DYSF: variants seen among roughly 807,000 people sequenced by gnomAD.
DYSF encodes dystrophy-associated fer-1-like 1.
DYSF carries 212 observed loss-of-function variants against 274.9 expected under a neutral mutation model. The ratio of observed to expected loss-of-function variants is 0.77; its 90% confidence interval spans 0.69 to 0.86. The LOEUF (loss-of-function observed/expected upper bound fraction) is 0.86. Ranked by LOEUF, DYSF falls within the 40% of genes least tolerant of loss-of-function variation. The pLI is 0.00. For missense variants in DYSF, 2,666 were observed against 2,783.2 expected (o/e 0.96, Z 0.95); for synonymous variants, 1,091 against 1,078.7 (o/e 1.01, Z -0.22).
At chr2:71,616,295 TG>T (rs1014268986) in intron 40 of DYSF, among the ~76,000 whole-genome samples, 10 of 151,802 alleles carry the variant, frequency 6.6e-5, no homozygotes, top group East Asian at 1.9e-4. Flanking sequence ...AGGGTAAGGG[TG>T]GGGGGCCCTG....
intron 24 of DYSF, 68 bp from the exon 25 acceptor site, chr2:71,567,883 C>T: frequency 1.3e-6 from 2 of 1,595,766 alleles, no homozygotes; most frequent in Non-Finnish European, 1.7e-6. Context: ...CTCCTCCTCC[C>T]CAGCCTCTCA....
intron 29 of DYSF, among the ~76,000 whole-genome samples, chr2:71,571,813 C>T (rs1203943759): frequency 2.1e-5 from 3 of 141,602 alleles, no homozygotes; most frequent in African/African-American, 7.9e-5. Flanking sequence ...AGCTCACACC[C>T]AGCACACACA....
chr2:71,527,403 T>C (rs1364779781), intron 13 of DYSF, among the ~76,000 whole-genome samples: 1 of 152,212 alleles, frequency 6.6e-6, no homozygotes, highest in Non-Finnish European at 1.5e-5. Context: ...GATCAAATCC[T>C]GAAGAAAGCC....
At chr2:71,491,338 C>A (rs1226205118) in intron 3 of DYSF, among the ~76,000 whole-genome samples, 2 of 152,196 alleles carry the variant, frequency 1.3e-5, no homozygotes, top group African/African-American at 4.8e-5. Context: ...TTTCTCTCTG[C>A]TTCTCACCTG....
Position 71,552,991 on chromosome 2 carries a change from G to A in DYSF, c.1807-20G>A, listed in dbSNP as rs757616928. The A allele has an allele frequency of 1.2e-6, 2 of 1,613,862 alleles. No individual in the cohort carries two copies. Among genetic ancestry groups the A allele is most frequent in the Non-Finnish European group, 8.5e-7 (1 of 1,179,978 alleles). ...TTCTTTGCTCCTCCCGTGACCCTCTGGTCTACTCTCTGCTCTCAGAAGTAC... is the reference window on the plus strand; with the variant it reads ...TTCTTTGCTCCTCCCGTGACCCTCTAGTCTACTCTCTGCTCTCAGAAGTAC... On this transcript the variant is annotated intron_variant, in intron 19 of 55. Transcript: ENST00000410020.
chr2:71,560,720 G>A (rs2091687689), intron 22 of DYSF, among the ~76,000 whole-genome samples: 1 of 152,196 alleles, frequency 6.6e-6, no homozygotes, highest in Non-Finnish European at 1.5e-5. Context: ...TGCATAGCTC[G>A]GGGAAATTGG....
intron 17 of DYSF, among the ~76,000 whole-genome samples, chr2:71,545,377 T>C (rs2090382725): frequency 6.6e-6 from 1 of 152,202 alleles, no homozygotes; most frequent in Non-Finnish European, 1.5e-5. Flanking sequence ...TGTTGGAACT[T>C]TGGACTAGTC....
rs764936271 is a variant in DYSF at position 71,656,153 on chromosome 2, G to A, written c.4627-9G>A. 6.2e-7 allele frequency: 1 copy of A among 1,613,990 alleles called. No individual in the cohort carries two copies. The highest frequency in any genetic ancestry group is 8.5e-7 in the Non-Finnish European group (1 of 1,180,010). On this transcript the variant is annotated splice_polypyrimidine_tract_variant and intron_variant, in intron 42 of 55. Transcript: ENST00000410020. ...TCTTGTCCCCTCCTCTAATCCCCAT[G>A]TGTGGCAGGTCTATGACACACAGCT...
rs1558772805 is a variant in DYSF at position 71,665,379 on chromosome 2, C to T, written c.5317+75C>T. 12 of 1,594,386 alleles carry T rather than the reference C, an allele frequency of 7.5e-6. No homozygotes were observed. The East Asian group carries it at 2.2e-4, about 30-fold the overall frequency. ...CCCTCTCTCATCAGACCCTCTGCTACCATAAAAGACCCAAGCGGACATAAC... is the reference window on the plus strand; with the variant it reads ...CCCTCTCTCATCAGACCCTCTGCTATCATAAAAGACCCAAGCGGACATAAC... On this transcript the variant is annotated intron_variant, in intron 47 of 55. Transcript: ENST00000410020.
At chr2:71,546,519 C>A (rs1219489205) in intron 17 of DYSF, among the ~76,000 whole-genome samples, 1 of 152,206 alleles carries the variant, frequency 6.6e-6, no homozygotes, top group Non-Finnish European at 1.5e-5. Flanking sequence ...GTTCCTTGGA[C>A]CCTGTGCTCT....
intron 25 of DYSF, 32 bp downstream of exon 25, chr2:71,568,114 C>T: frequency 1.2e-6 from 2 of 1,614,226 alleles, no homozygotes; most frequent in South Asian, 1.1e-5. Flanking sequence ...CCTCTGCCTC[C>T]CACTACCTGG....
At chr2:71,534,873 C>G (rs1410900859) in intron 14 of DYSF, 148 bp from the exon 15 acceptor site, 4 of 762,006 alleles carry the variant, frequency 5.2e-6, no homozygotes, top group South Asian at 1.5e-5. Flanking sequence ...TATGAACCCC[C>G]TGCACTAGGC....
In DYSF at chr2:71,674,223, TGA is replaced by T. The variant is rs398123796; in HGVS notation, c.5815_5816del (p.Ser1939GlnfsTer14). On this transcript the variant is annotated frameshift_variant, in exon 52 of 56. Coordinates refer to ENST00000410020, the MANE Select transcript of DYSF (RefSeq NM_001130987.2). LOFTEE classifies it high-confidence loss of function. The stretch of plus-strand genomic sequence containing the variant: ...ATGCCTTCTGGAGGCTGGACAAGAC[TGA>T]GAGCAAAATCCCAGCACGAGTGGTG... ...KDAFWRLDKT[E>X]SKIPARVVFQ... The T allele has an allele frequency of 1.1e-4, 185 of 1,614,100 alleles. No individual in the cohort carries two copies. Among genetic ancestry groups the T allele is most frequent in the Non-Finnish European group, 1.5e-4 (178 of 1,180,048 alleles).
chr2:71,526,966 C>T (rs1172946936), intron 13 of DYSF, among the ~76,000 whole-genome samples: 1 of 152,268 alleles, frequency 6.6e-6, no homozygotes, highest in Non-Finnish European at 1.5e-5. Context: ...AATGTGGCCA[C>T]TGCCTGGTTT....
At position 71,621,317 on chromosome 2, in the gene DYSF, A is replaced by G. The variant is rs529833963; in HGVS notation, c.4527+708A>G. Among the ~76,000 whole-genome samples, 16 of 152,188 alleles carry G rather than the reference A, an allele frequency of 1.1e-4. No individual in the cohort carries two copies. The South Asian group carries it at 3.1e-3, about 30-fold the overall frequency. On this transcript the variant is annotated intron_variant, in intron 41 of 55. Coordinates refer to ENST00000410020, the MANE Select transcript of DYSF (RefSeq NM_001130987.2). ...TCTACTTATGGTGTCAAGAGGAGGC[A>G]CTGTTGTACTGGGGGTCTCATGAGC...
Position 71,600,597 on chromosome 2 carries a change from G to A in DYSF, c.3757-105G>A. On this transcript the variant is annotated intron_variant, in intron 33 of 55. Coordinates refer to ENST00000410020, the MANE Select transcript of DYSF (RefSeq NM_001130987.2). ...TGTGGGAGGGGGTGCCCTTACTACT[G>A]AGGCCCTTTCTAGTTCAGAAGGCAC... 3 of 1,529,386 alleles carry A rather than the reference G, an allele frequency of 2.0e-6. No individual in the cohort carries two copies. The South Asian group carries it at 3.4e-5, about 17-fold the overall frequency. 94.7% of individuals were successfully genotyped at this position (1,529,386 alleles called of 1,614,324 possible). A position where few individuals can be genotyped will look rare whatever the true frequency, so the allele number is the denominator to read the frequency against.
chr2:71,526,414 GCGATGGC>G, intron 13 of DYSF, 68 bp downstream of exon 13: 25 of 1,342,968 alleles, frequency 1.9e-5, no homozygotes, highest in Non-Finnish European at 2.4e-5. Flanking sequence ...GTGGGGGTGG[GCGATGGC>G]GGGCGGGGTC....
intron 20 of DYSF, 22 bp from the exon 21 acceptor site, chr2:71,553,785 C>G: frequency 6.3e-7 from 1 of 1,589,778 alleles, no homozygotes; most frequent in South Asian, 1.1e-5. Flanking sequence ...GCACAGCGCT[C>G]AGGCCCGTCT....
chr2:71,467,758 G>T (rs868458817), intron 1 of DYSF, among the ~76,000 whole-genome samples: 39 of 151,842 alleles, frequency 2.6e-4, no homozygotes, highest in African/African-American at 9.4e-4. Context: ...GAGGAAAGAG[G>T]GTTTCCACTT....
Sources: gnomAD v4.1 joint callset for allele counts (sites outside exome capture counted in the v4.1 genomes callset) on GRCh38, gnomAD v4.1.1 for gene constraint, MANE v1.5 for transcripts, NCBI Gene and HGNC (gene_info 2026-07-23, HGNC 2026-07-21) for gene names.